DENND4A: variants seen among roughly 807,000 people sequenced by gnomAD.
DENND4A encodes the protein C-myc promoter-binding protein.
A neutral mutation model predicts 199.3 loss-of-function variants in DENND4A; 70 were observed. That is an observed-to-expected ratio of 0.35 (90% CI 0.29 to 0.43). The LOEUF (loss-of-function observed/expected upper bound fraction) is 0.43. Among genes scored for constraint, DENND4A ranks in the 20% least tolerant of loss-of-function variants. The probability of loss-of-function intolerance (pLI) is 1.00; values close to 1 mark genes in which losing one functional copy is unlikely to be tolerated. For missense variants in DENND4A, 1,723 were observed against 2,255.8 expected (o/e 0.76, Z 4.78); for synonymous variants, 686 against 766.9 (o/e 0.89, Z 1.74).
At chr15:65,748,364 T>C (rs906983482) in intron 4 of DENND4A, among the ~76,000 whole-genome samples, 1 of 151,982 alleles carries the variant, frequency 6.6e-6, no homozygotes, top group Non-Finnish European at 1.5e-5. Context: ...ATGCCTGCAA[T>C]CCTAGTGCTT....
chr15:65,676,141 A>AATAT lies in DENND4A; in HGVS notation c.4369+300_4369+303dup, dbSNP rs57613461. Among the ~76,000 whole-genome samples, 848 of 110,448 alleles carry AATAT rather than the reference A, an allele frequency of 7.7e-3. 14 individuals carry two copies. Among genetic ancestry groups the AATAT allele is most frequent in the African/African-American group, 0.02 (668 of 32,830 alleles). 72.5% of individuals were successfully genotyped at this position (110,448 alleles called of 152,430 possible). A position where few individuals can be genotyped will look rare whatever the true frequency, so the allele number is the denominator to read the frequency against. ...AGAAGACAGGGAAGTAATAAGGAAA[A>AATAT]ATATATATATATATATATATATATA... On this transcript the variant is annotated intron_variant, in intron 24 of 32. Transcript: ENST00000443035.
chr15:65,676,141 A>AATATATATATATATAT lies in DENND4A; in HGVS notation c.4369+288_4369+303dup, dbSNP rs57613461. ...AGAAGACAGGGAAGTAATAAGGAAAAATATATATATATATATATATATATA... is the reference window on the plus strand; with the variant it reads ...AGAAGACAGGGAAGTAATAAGGAAAAATATATATATATATATATATATATATATATATATATATATA... On this transcript the variant is annotated intron_variant, in intron 24 of 32. Transcript: ENST00000443035. Among the ~76,000 whole-genome samples the AATATATATATATATAT allele has an allele frequency of 3.5e-3, 384 of 110,368 alleles. 8 individuals carry two copies. The highest frequency in any genetic ancestry group is 0.017 in the South Asian group (49 of 2,834). The allele number at this position is 110,368 out of a possible 152,430, so 72.4% of individuals were successfully genotyped here.
At chr15:65,685,028 T>C (rs938376105) in intron 23 of DENND4A, among the ~76,000 whole-genome samples, 29 of 152,066 alleles carry the variant, frequency 1.9e-4, no homozygotes, top group African/African-American at 6.7e-4. Context: ...GGTTTCACCA[T>C]GTTAGCCAGG....
At position 65,661,268 on chromosome 15, in the gene DENND4A, T is replaced by C. The variant is rs1314544909; in HGVS notation, c.*583A>G. On this transcript the variant is annotated 3_prime_UTR_variant, in exon 33 of 33. Coordinates refer to ENST00000443035, the MANE Select transcript of DENND4A (RefSeq NM_001320835.1). ...TAAAAAATATATATATAGATAGATA[T>C]ACACAGAGAGATCTGCAGCTGTACT... is the stretch of plus-strand genomic sequence containing the variant. The C allele has an allele frequency of 1.3e-5, 2 of 152,176 alleles. No individual in the cohort carries two copies. Among genetic ancestry groups the C allele is most frequent in the Admixed American group, 6.5e-5 (1 of 15,268 alleles). The allele number at this position is 152,176 out of a possible 1,614,324, so 9.4% of individuals were successfully genotyped here.
At chr15:65,710,055 A>G (rs1596491357) in intron 14 of DENND4A, among the ~76,000 whole-genome samples, 1 of 152,126 alleles carries the variant, frequency 6.6e-6, no homozygotes, top group South Asian at 2.1e-4. Context: ...ATGGACTACC[A>G]TCACATAAAC....
At chr15:65,727,228 G>A (rs948998346) in intron 11 of DENND4A, among the ~76,000 whole-genome samples, 5 of 151,804 alleles carry the variant, frequency 3.3e-5, no homozygotes, top group East Asian at 1.9e-4. Context: ...TGAGGCAGGC[G>A]GATCACGAGG....
At chr15:65,741,556 C>T (rs943477943) in intron 5 of DENND4A, among the ~76,000 whole-genome samples, 159 bp downstream of exon 5, 7 of 152,016 alleles carry the variant, frequency 4.6e-5, no homozygotes, top group Non-Finnish European at 1.0e-4. Flanking sequence ...ATCAAGCATC[C>T]AATAAACATA....
rs1413199026 is a variant in DENND4A, at chr15:65,671,904, AC to A, written c.4370-19del. The A allele has an allele frequency of 3.5e-6, 5 of 1,425,426 alleles. No individual in the cohort carries two copies. 88.3% of individuals were successfully genotyped at this position (1,425,426 alleles called of 1,614,324 possible). ...CAGAGATCCTGTTCATTAGTGAAAAACAAAGAACAGAAACCATTAAAATTAA... is the reference window on the plus strand; with the variant it reads ...CAGAGATCCTGTTCATTAGTGAAAAAAAAGAACAGAAACCATTAAAATTAA... On this transcript the variant is annotated intron_variant, in intron 24 of 32. Transcript: ENST00000443035.
At chr15:65,705,471 T>C (rs1031090871) in intron 15 of DENND4A, among the ~76,000 whole-genome samples, 4 of 152,230 alleles carry the variant, frequency 2.6e-5, no homozygotes, top group Non-Finnish European at 5.9e-5. Flanking sequence ...TATTTTACTG[T>C]GCTCAGGACT....
At chr15:65,686,881 A>T (rs76155530) in intron 23 of DENND4A, among the ~76,000 whole-genome samples, 1 of 151,612 alleles carries the variant, frequency 6.6e-6, no homozygotes, top group East Asian at 1.9e-4. Context: ...AAAAAAAAAA[A>T]TTGTACAGAC....
Position 65,741,774 on chromosome 15 carries a change from G to A in DENND4A, c.572C>T (p.Ala191Val). Residue 191 changes from alanine to valine, a missense_variant, in exon 5 of 33, where the codon GCA becomes GTA. This residue lies in a region of DENND4A where 725 missense variants were observed against 952.9 expected (regional missense o/e 0.76). Coordinates refer to ENST00000443035, the MANE Select transcript of DENND4A (RefSeq NM_001320835.1). Reference sequence around the variant, plus strand: ...CGATTTTTTATAACACAAGTATACTGCTGATCCCCACTGGATTTAAAAAAA... The same window carrying A: ...CGATTTTTTATAACACAAGTATACTACTGATCCCCACTGGATTTAAAAAAA... ...KNLNNSMWGS[A>V]VYLCYKKSVA... is the part of the protein sequence containing the mutation. 6.2e-7 allele frequency: 1 copy of A among 1,611,180 alleles called. No individual in the cohort carries two copies. The highest frequency in any genetic ancestry group is 8.5e-7 in the Non-Finnish European group (1 of 1,178,332).
intron 2 of DENND4A, among the ~76,000 whole-genome samples, chr15:65,759,336 G>A (rs1226681723): frequency 1.3e-5 from 2 of 152,128 alleles, no homozygotes; most frequent in Non-Finnish European, 2.9e-5. Flanking sequence ...AAATTAGTCA[G>A]GTGTGGTGGC....
rs868030694 is a variant in DENND4A at position 65,670,799 on chromosome 15, T to C, written c.4465-611A>G. Among the ~76,000 whole-genome samples, 5 of 152,324 alleles carry C rather than the reference T, an allele frequency of 3.3e-5. No individual in the cohort carries two copies. The East Asian group carries it at 5.8e-4, about 18-fold the overall frequency. On this transcript the variant is annotated intron_variant, in intron 25 of 32. Transcript: ENST00000443035. ...ATGCTATCATTATGTTAAGAAAATA[T>C]AGAAATTCTTGAAGCCTCCAGAAAC...
chr15:65,727,084 G>T (rs531584177), intron 11 of DENND4A, among the ~76,000 whole-genome samples: 18 of 152,136 alleles, frequency 1.2e-4, no homozygotes, highest in African/African-American at 4.3e-4. Context: ...GATGCCAAGG[G>T]GGGAGGATCA....
At chr15:65,734,209 C>T (rs1026912617) in intron 7 of DENND4A, among the ~76,000 whole-genome samples, 2 of 152,220 alleles carry the variant, frequency 1.3e-5, no homozygotes, top group Non-Finnish European at 2.9e-5. Context: ...TACGTTCCAT[C>T]TACTGAGATA....
chr15:65,685,153 G>C (rs957505185), intron 23 of DENND4A, among the ~76,000 whole-genome samples: 1 of 146,944 alleles, frequency 6.8e-6, no homozygotes, highest in Non-Finnish European at 1.5e-5. Context: ...TTGAGACCGT[G>C]TCTCACTCTG....
chr15:65,741,693 T>C (rs757564300), intron 5 of DENND4A, 22 bp downstream of exon 5: 16 of 1,603,538 alleles, frequency 1.0e-5, no homozygotes, highest in East Asian at 4.5e-5. Flanking sequence ...ATATGAAGTA[T>C]TGCATGAAAA....
At chr15:65,768,324 T>C (rs975066401) in intron 1 of DENND4A, among the ~76,000 whole-genome samples, 4 of 151,874 alleles carry the variant, frequency 2.6e-5, no homozygotes, top group Middle Eastern at 3.2e-3. Flanking sequence ...GCCTGTTTTT[T>C]TCGTTTTGTT....
chr15:65,761,770 A>G (rs2076856224), intron 1 of DENND4A, among the ~76,000 whole-genome samples: 1 of 152,028 alleles, frequency 6.6e-6, no homozygotes, highest in Admixed American at 6.6e-5. Flanking sequence ...GTGAGAAAGA[A>G]CAACATGACT....
Sources: gnomAD v4.1 joint callset for allele counts (sites outside exome capture counted in the v4.1 genomes callset) on GRCh38, gnomAD v4.1.1 for gene constraint, gnomAD v4.1.1 regional missense constraint, MANE v1.5 for transcripts, NCBI Gene and HGNC (gene_info 2026-07-23, HGNC 2026-07-21) for gene names.